The following ZNF385D variants were observed in gnomAD, a reference collection of about 807,000 sequenced individuals.
ZNF385D encodes the protein zinc finger protein 385D, also known as zinc finger protein 659.
Under a neutral mutation model 35.8 loss-of-function variants are expected in ZNF385D, and 15 were observed. That is an observed-to-expected ratio of 0.42 (90% CI 0.28 to 0.64). ZNF385D has a LOEUF of 0.64. ZNF385D is among the 30% of genes least tolerant of loss of function. The probability of loss-of-function intolerance (pLI) is 0.23; values close to 1 mark genes in which losing one functional copy is unlikely to be tolerated. For synonymous variants in ZNF385D, 212 were observed against 186.8 expected (o/e 1.13, Z -1.10); for missense variants, 474 against 494.6 (o/e 0.96, Z 0.39).
intron 3 of ZNF385D, among the ~76,000 whole-genome samples, chr3:21,781,595 G>C (rs2336048): frequency 0.57 from 86,133 of 151,834 alleles, 26,117 homozygotes; most frequent in Non-Finnish European, 0.69. Context: ...TTTCATGAAT[G>C]TTGACTCTAA....
intron 1 of ZNF385D, among the ~76,000 whole-genome samples, chr3:21,683,219 T>A (rs1443769297): frequency 6.7e-6 from 1 of 149,960 alleles, no homozygotes; most frequent in Non-Finnish European, 1.5e-5. Flanking sequence ...TTTAGCAGAA[T>A]TCTATGACAA....
chr3:21,471,102 A>G (rs1703855838), intron 4 of ZNF385D, among the ~76,000 whole-genome samples: 1 of 152,170 alleles, frequency 6.6e-6, no homozygotes, highest in Non-Finnish European at 1.5e-5. Flanking sequence ...AAAAGAAAGC[A>G]CAAATGGTTT....
intron 3 of ZNF385D, among the ~76,000 whole-genome samples, chr3:21,881,879 A>G (rs1698295091): frequency 6.6e-6 from 1 of 152,186 alleles, no homozygotes; most frequent in South Asian, 2.1e-4. Flanking sequence ...AGATTTCAGC[A>G]GAGGAAGTAA....
In ZNF385D at chr3:21,526,897, C is replaced by CT. The variant is rs1708261589; in HGVS notation, c.277-15875dup. On this transcript the variant is annotated intron_variant, in intron 3 of 7. Transcript: ENST00000281523. ...AGCACTATTATCTTATTTAGTACTA[C>CT]TAATAGGTATTTCCATATTATAAGT... is the stretch of plus-strand genomic sequence containing the variant. Among the ~76,000 whole-genome samples the CT allele has an allele frequency of 5.9e-5, 9 of 152,162 alleles. 1 individual carries two copies. In the South Asian group the frequency reaches 1.9e-3, roughly 32 times the overall value.
intron 2 of ZNF385D, among the ~76,000 whole-genome samples, chr3:22,169,906 C>G (rs775327931): frequency 6.6e-6 from 1 of 152,160 alleles, no homozygotes; most frequent in Non-Finnish European, 1.5e-5. Context: ...GCAGTCCCCC[C>G]ACTTTAGCCT....
chr3:21,854,850 G>C (rs1366472900), intron 3 of ZNF385D, among the ~76,000 whole-genome samples: 4 of 151,886 alleles, frequency 2.6e-5, no homozygotes, highest in Non-Finnish European at 5.9e-5. Flanking sequence ...AATGTCATTG[G>C]GTAACAGTGA....
At chr3:22,339,055 AGAT>A (rs574493716) in intron 2 of ZNF385D, among the ~76,000 whole-genome samples, 1 of 152,118 alleles carries the variant, frequency 6.6e-6, no homozygotes, top group African/African-American at 2.4e-5. Flanking sequence ...ATATATAGAG[AGAT>A]GATAGGCACA....
At chr3:21,824,535 C>A (rs369454130) in intron 3 of ZNF385D, among the ~76,000 whole-genome samples, 7 of 152,080 alleles carry the variant, frequency 4.6e-5, no homozygotes, top group African/African-American at 1.7e-4. Context: ...CTCATCTTTT[C>A]TTGTATAGCT....
intron 4 of ZNF385D, among the ~76,000 whole-genome samples, chr3:21,494,063 A>G (rs1270697618): frequency 6.6e-6 from 1 of 152,186 alleles, no homozygotes; most frequent in African/African-American, 2.4e-5. Context: ...GCATAAATAG[A>G]AAAACCAAAG....
At chr3:21,598,155 C>T (rs1490874052) in intron 2 of ZNF385D, among the ~76,000 whole-genome samples, 1 of 152,126 alleles carries the variant, frequency 6.6e-6, no homozygotes, top group Non-Finnish European at 1.5e-5. Flanking sequence ...ACGCATCCTG[C>T]AAATAAATGC....
chr3:21,553,430 G>C (rs957717533), intron 3 of ZNF385D, among the ~76,000 whole-genome samples: 7 of 152,060 alleles, frequency 4.6e-5, no homozygotes, highest in African/African-American at 1.7e-4. Context: ...TTTAAAATAT[G>C]CTATTGCTGA....
intron 3 of ZNF385D, among the ~76,000 whole-genome samples, chr3:21,834,506 C>A (rs1345289857): frequency 6.6e-6 from 1 of 152,132 alleles, no homozygotes; most frequent in Non-Finnish European, 1.5e-5. Context: ...ATAAAGGTGG[C>A]AGTTAGGACT....
intron 2 of ZNF385D, among the ~76,000 whole-genome samples, chr3:22,202,507 A>C (rs1158035334): frequency 6.6e-6 from 1 of 152,064 alleles, no homozygotes; most frequent in East Asian, 1.9e-4. Context: ...GGCCAAATGG[A>C]AGCTTCTACT....
intron 3 of ZNF385D, among the ~76,000 whole-genome samples, chr3:22,078,656 A>C (rs1246179902): frequency 6.6e-6 from 1 of 152,070 alleles, no homozygotes; most frequent in African/African-American, 2.4e-5. Flanking sequence ...TCTAATAGTG[A>C]CAGGTGATGG....
intron 4 of ZNF385D, among the ~76,000 whole-genome samples, chr3:21,489,981 T>G (rs1575035768): frequency 6.6e-6 from 1 of 152,118 alleles, no homozygotes; most frequent in Non-Finnish European, 1.5e-5. Context: ...CTAAAATTCT[T>G]TTGCTTCAAA....
intron 3 of ZNF385D, among the ~76,000 whole-genome samples, chr3:22,125,889 A>C (rs1295232536): frequency 6.6e-6 from 1 of 152,080 alleles, no homozygotes; most frequent in Non-Finnish European, 1.5e-5. Context: ...TTCGTTTACA[A>C]CCTGGATGTC....
Position 21,696,222 on chromosome 3 carries a change from G to A in ZNF385D, c.23-31194C>T, listed in dbSNP as rs539232963. 6.6e-5 allele frequency among the ~76,000 whole-genome samples: 10 copies of A among 152,314 alleles called. No homozygotes were observed. In the East Asian group the frequency reaches 1.9e-3, roughly 29 times the overall value. On this transcript the variant is annotated intron_variant, in intron 1 of 7. Transcript: ENST00000281523. ...TAAAAGGTAAAGGAAGTGGTGGAGA[G>A]TTTGAACACGGACTTTGGAATTAGA...
intron 3 of ZNF385D, among the ~76,000 whole-genome samples, chr3:22,133,383 T>G (rs182209586): frequency 1.3e-5 from 2 of 151,816 alleles, no homozygotes; most frequent in Non-Finnish European, 2.9e-5. Context: ...TGTGCCTGTG[T>G]GTGAAAGACA....
rs111236867 is a variant in ZNF385D, at chr3:22,102,822, T to C, written c.325+65995A>G. 2.6e-5 allele frequency among the ~76,000 whole-genome samples: 4 copies of C among 151,716 alleles called. 1 individual carries two copies. The highest frequency in any genetic ancestry group is 9.7e-5 in the African/African-American group (4 of 41,370). On this transcript the variant is annotated intron_variant, in intron 3 of 5. Transcript: ENST00000494108. Reference sequence around the variant, plus strand: ...ACTTCTCTGATCACTGCGAAAGGACTCATTACTAGCATTGGGGCCTTTTTT... The same window carrying C: ...ACTTCTCTGATCACTGCGAAAGGACCCATTACTAGCATTGGGGCCTTTTTT...
Sources: gnomAD v4.1 joint callset for allele counts (sites outside exome capture counted in the v4.1 genomes callset) on GRCh38, gnomAD v4.1.1 for gene constraint, MANE v1.5 for transcripts, NCBI Gene and HGNC (gene_info 2026-07-23, HGNC 2026-07-21) for gene names.